The following SRP19 variants were observed in gnomAD, a reference collection of about 807,000 sequenced individuals.
The protein encoded by SRP19 is signal recognition particle 19 kDa protein.
SRP19 carries 11 observed loss-of-function variants against 22.4 expected under a neutral mutation model. The observed-to-expected ratio is 0.49, with a 90% confidence interval of 0.31 to 0.81. The LOEUF is 0.81. Ranked by LOEUF, SRP19 falls within the 40% of genes least tolerant of loss-of-function variation. SRP19 has a pLI of 0.05. For synonymous variants in SRP19, 61 were observed against 57.6 expected, an observed-to-expected ratio of 1.06 and a Z score of -0.27; for missense variants, 168 against 175.9, an observed-to-expected ratio of 0.96 and a Z score of 0.25.
chr5:112,891,281 C>T (rs1003690434), intron 4 of SRP19, among the ~76,000 whole-genome samples: 1 of 152,058 alleles, frequency 6.6e-6, no homozygotes, highest in African/African-American at 2.4e-5. Flanking sequence ...CCATGTTGGC[C>T]AGGCTGGTCT....
exon 5 of SRP19, chr5:112,892,765 G>T: frequency 6.2e-7 from 1 of 1,613,880 alleles, no homozygotes; most frequent in South Asian, 1.1e-5. Context: ...GGGCCACCAC[G>T]ACCACTACTA....
In SRP19 at chr5:112,876,655, C is replaced by T. The variant is rs563270961; in HGVS notation, c.301+11923C>T. On this transcript the variant is annotated intron_variant, in intron 4 of 4. Coordinates refer to the SRP19 transcript ENST00000391338. The stretch of plus-strand genomic sequence containing the variant: ...GAAACACTATTCACATTCAAATAAA[C>T]GCTTGTTTTCTAGCCAGGCACAGGC... 24 of 152,296 alleles carry T rather than the reference C, an allele frequency of 1.6e-4. No individual in the cohort carries two copies. The South Asian group carries it at 4.8e-3, about 30-fold the overall frequency. The allele number at this position is 152,296 out of a possible 1,614,324, so 9.4% of individuals were successfully genotyped here. A position where few individuals can be genotyped will look rare whatever the true frequency, so the allele number is the denominator to read the frequency against.
At chr5:112,880,492 T>C (rs456531) in intron 4 of SRP19, among the ~76,000 whole-genome samples, 85,463 of 152,056 alleles carry the variant, frequency 0.56, 26,473 homozygotes, top group African/African-American at 0.84. Flanking sequence ...AGCTGCCTGA[T>C]AGTTGCTCTC....
intron 4 of SRP19, chr5:112,876,653 A>T (rs541478897): frequency 6.6e-6 from 1 of 152,322 alleles, no homozygotes; most frequent in Admixed American, 6.5e-5. Flanking sequence ...CATTCAAATA[A>T]ACGCTTGTTT....
At chr5:112,861,786 C>T (rs1209396119) in intron 1 of SRP19, among the ~76,000 whole-genome samples, 1 of 152,170 alleles carries the variant, frequency 6.6e-6, no homozygotes, top group Non-Finnish European at 1.5e-5. Context: ...TTTAATACCT[C>T]GGACACTTTA....
chr5:112,864,895 T>A, intron 4 of SRP19, 163 bp downstream of exon 4: 1 of 466,230 alleles, frequency 2.1e-6, no homozygotes. Flanking sequence ...TCTAATTTCT[T>A]TGAGGTGAAT....
downstream of SRP19, among the ~76,000 whole-genome samples, chr5:112,873,271 C>CTTTTTTTTTTTTTTTTTTTTTTTT (rs35379154): frequency 9.9e-5 from 5 of 50,714 alleles, no homozygotes; most frequent in Non-Finnish European, 1.7e-4. Context: ...CTCAGGTTTT[C>CTTTTTTTTTTTTTTTTTTTTTTTT]TTTTTTTTTT....
Position 112,867,590 on chromosome 5 carries a change from C to T in SRP19, c.*53C>T. On this transcript the variant is annotated 3_prime_UTR_variant, in exon 5 of 5. Transcript: ENST00000505459. Reference sequence around the variant, plus strand: ...CTACTGTAAGAGACATGAATGGAGACTTCTAATTTGTATCGGAGGGAAACA... The same window carrying T: ...CTACTGTAAGAGACATGAATGGAGATTTCTAATTTGTATCGGAGGGAAACA... The T allele has an allele frequency of 6.7e-7, 1 of 1,491,434 alleles. No homozygotes were observed. The highest frequency in any genetic ancestry group is 2.4e-5 in the East Asian group (1 of 42,304). The allele number at this position is 1,491,434 out of a possible 1,614,324, so 92.4% of individuals were successfully genotyped here.
downstream of SRP19, among the ~76,000 whole-genome samples, chr5:112,871,243 ATTTTT>A (rs10592964): frequency 1.7e-3 from 156 of 93,946 alleles, no homozygotes; most frequent in African/African-American, 7.0e-3. Context: ...CAATCAGTGA[ATTTTT>A]TTTTTTTTTT....
At chr5:112,866,871 G>C (rs1018785817) in intron 4 of SRP19, among the ~76,000 whole-genome samples, 18 of 152,220 alleles carry the variant, frequency 1.2e-4, no homozygotes, top group Admixed American at 2.6e-4. Context: ...ACCCAAGTAA[G>C]ATAGTAAAAA....
At position 112,869,294 on chromosome 5, in the gene SRP19, A is replaced by C. The variant is rs1767703679; in HGVS notation, c.*1757A>C. ...TTTACATGAGTGCAAGGCAGGAAGAAAAGGTAGCTGTGCCAGCCACTTCTG... is the reference window on the plus strand; with the variant it reads ...TTTACATGAGTGCAAGGCAGGAAGACAAGGTAGCTGTGCCAGCCACTTCTG... On this transcript the variant is annotated 3_prime_UTR_variant, in exon 5 of 5. Coordinates refer to ENST00000505459, the MANE Select transcript of SRP19 (RefSeq NM_003135.3). 6.6e-6 allele frequency: 1 copy of C among 152,198 alleles called. No homozygotes were observed. The highest frequency in any genetic ancestry group is 1.5e-5 in the Non-Finnish European group (1 of 68,048). The allele number at this position is 152,198 out of a possible 1,614,324, so 9.4% of individuals were successfully genotyped here.
At chr5:112,873,142 T>A (rs75162254), downstream of SRP19, among the ~76,000 whole-genome samples, 5,070 of 149,650 alleles carry the variant, frequency 0.034, 214 homozygotes, top group East Asian at 0.16. Flanking sequence ...GTTTTCAGTC[T>A]GGGAATTTGT....
At chr5:112,883,443 G>A (rs818797) in intron 4 of SRP19, among the ~76,000 whole-genome samples, 83,563 of 151,988 alleles carry the variant, frequency 0.55, 25,164 homozygotes, top group African/African-American at 0.81. Flanking sequence ...CTTGGCCCCA[G>A]GGATACCACA....
At chr5:112,878,539 T>A (rs1767965687) in intron 4 of SRP19, 1 of 499,734 alleles carries the variant, frequency 2.0e-6, no homozygotes, top group African/African-American at 1.9e-5. Context: ...ATACATCTTT[T>A]CCTACCCAGA....
chr5:112,892,820 A>G (rs1196640276), exon 5 of SRP19: 9 of 1,613,834 alleles, frequency 5.6e-6, no homozygotes, highest in African/African-American at 1.3e-5. Flanking sequence ...GACCACACCT[A>G]CAAAAGAAAT....
chr5:112,880,088 G>A (rs543469338), intron 4 of SRP19, among the ~76,000 whole-genome samples: 1 of 152,098 alleles, frequency 6.6e-6, no homozygotes, highest in African/African-American at 2.4e-5. Context: ...CTAAGTCTTT[G>A]AGTTGGTGAC....
At chr5:112,882,321 T>C (rs1205648156) in intron 4 of SRP19, among the ~76,000 whole-genome samples, 3 of 152,132 alleles carry the variant, frequency 2.0e-5, no homozygotes, top group East Asian at 1.9e-4. Context: ...TTTTTGCTCA[T>C]TGTAGATGAT....
downstream of SRP19, chr5:112,893,763 C>T (rs563473970): frequency 6.6e-6 from 1 of 152,196 alleles, no homozygotes; most frequent in Non-Finnish European, 1.5e-5. Flanking sequence ...AGACTAAGAC[C>T]TTCTGTTAAA....
At chr5:112,873,345 C>CTT (rs71626678), downstream of SRP19, among the ~76,000 whole-genome samples, 175 of 58,988 alleles carry the variant, frequency 3.0e-3, 2 homozygotes, top group Middle Eastern at 0.019. Context: ...CTTTCCTATT[C>CTT]TTTTTTTTTT....
Sources: allele counts gnomAD v4.1 joint callset (sites outside exome capture counted in the v4.1 genomes callset), GRCh38; gene constraint gnomAD v4.1.1; transcripts MANE v1.5; gene names NCBI Gene and HGNC (gene_info 2026-07-23, HGNC 2026-07-21).